RGS8: variants seen among roughly 807,000 people sequenced by gnomAD.
RGS8 encodes regulator of G protein signaling 8, also known as regulator of G-protein signaling 8.
Under a neutral mutation model 21.7 loss-of-function variants are expected in RGS8, and 8 were observed. That is an observed-to-expected ratio of 0.37 (90% CI 0.22 to 0.66). The LOEUF (loss-of-function observed/expected upper bound fraction) is 0.66. Among genes scored for constraint, RGS8 ranks in the 30% least tolerant of loss-of-function variants. The probability of loss-of-function intolerance (pLI) is 0.59; values close to 1 mark genes in which losing one functional copy is unlikely to be tolerated. For synonymous variants in RGS8, 80 were observed against 83.6 expected (o/e 0.96, Z 0.24); for missense variants, 157 against 217.9 (o/e 0.72, Z 1.76).
upstream of RGS8, among the ~76,000 whole-genome samples, chr1:182,689,449 T>C (rs192132833): frequency 5.8e-4 from 89 of 152,306 alleles, no homozygotes; most frequent in African/African-American, 2.1e-3. Context: ...TGCTCTCCTA[T>C]ACAGTATTAT....
chr1:182,663,122 C>T (rs1488766204), intron 5 of RGS8, among the ~76,000 whole-genome samples: 1 of 152,152 alleles, frequency 6.6e-6, no homozygotes, highest in Non-Finnish European at 1.5e-5. Flanking sequence ...ATGTTATTGT[C>T]TTAATTGCAA....
At chr1:182,716,969 C>T in the RGS8 span, among the ~76,000 whole-genome samples, 1 of 152,166 alleles carries the variant, frequency 6.6e-6, no homozygotes. Flanking sequence ...GTATAACGAA[C>T]ATACTAATTC....
intron 5 of RGS8, among the ~76,000 whole-genome samples, chr1:182,657,704 C>T (rs941188964): frequency 2.2e-4 from 34 of 152,224 alleles, no homozygotes; most frequent in African/African-American, 6.8e-4. Context: ...AGTTCCCTCA[C>T]TTGTAAGATG....
chr1:182,723,591 T>C, the RGS8 span, among the ~76,000 whole-genome samples: 2 of 152,196 alleles, frequency 1.3e-5, no homozygotes, highest in Non-Finnish European at 2.9e-5. Context: ...TGGAAAATGA[T>C]GTGTTACTTG....
downstream of RGS8, chr1:182,642,613 C>T (rs1415043404): frequency 6.6e-6 from 1 of 152,394 alleles, no homozygotes; most frequent in Non-Finnish European, 1.5e-5. Flanking sequence ...CACGGCTTTC[C>T]CTCACAGCAG....
chr1:182,703,654 G>C, the RGS8 span, among the ~76,000 whole-genome samples: 1 of 152,190 alleles, frequency 6.6e-6, no homozygotes, highest in African/African-American at 2.4e-5. Context: ...GGCCAGCACA[G>C]GGTCATGGAT....
chr1:182,648,096 G>A (rs780816338), intron 6 of RGS8, 41 bp downstream of exon 7: 1 of 1,543,732 alleles, frequency 6.5e-7, no homozygotes, highest in Non-Finnish European at 8.8e-7. Flanking sequence ...ATGCAAGCTA[G>A]GAGCCATGGA....
downstream of RGS8, chr1:182,645,654 T>A (rs1662669355): frequency 6.6e-6 from 1 of 152,226 alleles, no homozygotes; most frequent in Non-Finnish European, 1.5e-5. Context: ...GAGAGAGATC[T>A]TTCTAAGAAA....
At chr1:182,683,755 G>A (rs892246211) in intron 1 of RGS8, among the ~76,000 whole-genome samples, 1 of 151,976 alleles carries the variant, frequency 6.6e-6, no homozygotes, top group Admixed American at 6.5e-5. Context: ...TTAGAAATTG[G>A]TGACCTCCAA....
At chr1:182,735,194 T>G in the RGS8 span, among the ~76,000 whole-genome samples, 1 of 152,222 alleles carries the variant, frequency 6.6e-6, no homozygotes, top group African/African-American at 2.4e-5. Context: ...AGTGAATTTT[T>G]TTTAAAAGCA....
intron 3 of RGS8, among the ~76,000 whole-genome samples, chr1:182,668,405 CCT>C: frequency 6.6e-6 from 1 of 152,310 alleles, no homozygotes; most frequent in South Asian, 2.1e-4. Context: ...AGCTTTCTTT[CCT>C]CTTTTTCCTA....
the RGS8 span, among the ~76,000 whole-genome samples, chr1:182,744,630 G>A: frequency 4.6e-5 from 7 of 152,164 alleles, no homozygotes; most frequent in Non-Finnish European, 1.0e-4. Context: ...ATACCACTGT[G>A]TTACAATTGC....
chr1:182,659,122 A>C (rs1663451360), intron 5 of RGS8, among the ~76,000 whole-genome samples: 1 of 152,216 alleles, frequency 6.6e-6, no homozygotes, highest in Non-Finnish European at 1.5e-5. Context: ...CCTACACTGG[A>C]CACAAAAATG....
At chr1:182,671,886 GA>G in exon 1 of RGS8, 2 of 1,490,358 alleles carry the variant, frequency 1.3e-6, no homozygotes, top group Non-Finnish European at 1.8e-6. Context: ...CGGCCCCACT[GA>G]AAGCTCTTCT....
chr1:182,716,792 G>A, the RGS8 span, among the ~76,000 whole-genome samples: 6,146 of 151,930 alleles, frequency 0.04, 179 homozygotes, highest in East Asian at 0.11. Context: ...TCTGTGCCTC[G>A]GATCATCATC....
chr1:182,689,271 A>C (rs1406518881), upstream of RGS8, among the ~76,000 whole-genome samples: 2 of 123,274 alleles, frequency 1.6e-5, no homozygotes, highest in Admixed American at 7.8e-5. Flanking sequence ...ACAGACACAC[A>C]CACACACACA....
chr1:182,683,627 CAAAAA>C (rs397863359), intron 1 of RGS8, among the ~76,000 whole-genome samples: 1 of 60,664 alleles, frequency 1.6e-5, no homozygotes, highest in Non-Finnish European at 3.8e-5. Flanking sequence ...TCCCAGTGCT[CAAAAA>C]AAAAAAAAAA....
chr1:182,745,548 A>G, the RGS8 span, among the ~76,000 whole-genome samples: 1 of 152,248 alleles, frequency 6.6e-6, no homozygotes, highest in African/African-American at 2.4e-5. Context: ...TATTATTTAC[A>G]ATCATTTCAT....
At chr1:182,726,251 A>C in the RGS8 span, among the ~76,000 whole-genome samples, 1 of 151,914 alleles carries the variant, frequency 6.6e-6, no homozygotes, top group Non-Finnish European at 1.5e-5. Context: ...TTTGATATTT[A>C]CTAAGCTTTT....
Sources: allele counts gnomAD v4.1 joint callset (sites outside exome capture counted in the v4.1 genomes callset), GRCh38; gene constraint gnomAD v4.1.1; transcripts MANE v1.5; gene names NCBI Gene and HGNC (gene_info 2026-07-23, HGNC 2026-07-21).